Variants in PRKAG2 observed in about 807,000 individuals in gnomAD.
The protein encoded by PRKAG2 is protein kinase AMP-activated non-catalytic subunit gamma 2.
Under a neutral mutation model 69.6 loss-of-function variants are expected in PRKAG2, and 26 were observed. The observed-to-expected ratio is 0.37, with a 90% confidence interval of 0.27 to 0.52. The LOEUF is 0.52. Ranked by LOEUF, PRKAG2 falls within the 20% of genes least tolerant of loss-of-function variation. PRKAG2 has a pLI of 0.90. For missense variants in PRKAG2, 557 were observed against 740.0 expected (o/e 0.75, Z 2.87); for synonymous variants, 293 against 285.0 (o/e 1.03, Z -0.28).
intron 2 of PRKAG2, among the ~76,000 whole-genome samples, chr7:151,786,264 C>G (rs2076999862): frequency 6.6e-6 from 1 of 152,228 alleles, no homozygotes; most frequent in Admixed American, 6.5e-5. Context: ...GCCCAGGAGG[C>G]TCTCTAGTGG....
intron 4 of PRKAG2, among the ~76,000 whole-genome samples, chr7:151,636,182 A>G (rs532643673): frequency 7.2e-5 from 11 of 152,070 alleles, no homozygotes; most frequent in Non-Finnish European, 1.5e-4. Flanking sequence ...TAATTCACAT[A>G]CCATAAAATA....
At chr7:151,731,586 G>A (rs1032613093) in intron 3 of PRKAG2, among the ~76,000 whole-genome samples, 1 of 152,010 alleles carries the variant, frequency 6.6e-6, no homozygotes, top group Non-Finnish European at 1.5e-5. Flanking sequence ...TTGACCCGGG[G>A]AACTGCAGGG....
At chr7:151,759,178 C>T (rs964430892) in intron 3 of PRKAG2, among the ~76,000 whole-genome samples, 14 of 152,218 alleles carry the variant, frequency 9.2e-5, no homozygotes, top group African/African-American at 2.9e-4. Context: ...CCTGCAGGCT[C>T]AGAGGCTGCT....
intron 4 of PRKAG2, among the ~76,000 whole-genome samples, chr7:151,659,188 C>T (rs2727529): frequency 0.61 from 92,825 of 152,016 alleles, 28,574 homozygotes; most frequent in African/African-American, 0.67. Context: ...TGGATCTAGG[C>T]GGTTTATTTA....
At chr7:151,617,266 A>G (rs201155389) in intron 5 of PRKAG2, among the ~76,000 whole-genome samples, 6 of 96,290 alleles carry the variant, frequency 6.2e-5, no homozygotes, top group African/African-American at 1.9e-4. Flanking sequence ...GAGCGAGGGA[A>G]GGAGGGAGGG....
chr7:151,742,156 T>C (rs7797862), intron 3 of PRKAG2, among the ~76,000 whole-genome samples: 4,446 of 152,238 alleles, frequency 0.029, 206 homozygotes, highest in African/African-American at 0.093. Flanking sequence ...TTCACATCCT[T>C]CCACCATACC....
At chr7:151,597,015 C>T (rs761803781) in intron 5 of PRKAG2, among the ~76,000 whole-genome samples, 2 of 152,168 alleles carry the variant, frequency 1.3e-5, no homozygotes, top group South Asian at 2.1e-4. Context: ...TATCACACTA[C>T]CTGACTTCAA....
At chr7:151,707,530 G>A (rs1006326355) in intron 3 of PRKAG2, among the ~76,000 whole-genome samples, 4 of 152,140 alleles carry the variant, frequency 2.6e-5, no homozygotes, top group African/African-American at 7.2e-5. Context: ...CTCTGGGGGA[G>A]AGGAATGGGA....
intron 3 of PRKAG2, among the ~76,000 whole-genome samples, chr7:151,688,047 C>CCCCCA (rs952570541): frequency 7.0e-6 from 1 of 143,086 alleles, no homozygotes. Flanking sequence ...ATGAGGCCCC[C>CCCCCA]CCCCGGGCTC....
In PRKAG2 at chr7:151,727,196, C is replaced by T. The variant is rs1246115369; in HGVS notation, c.467-51559G>A. Among the ~76,000 whole-genome samples, 8 of 150,446 alleles carry T rather than the reference C, an allele frequency of 5.3e-5. 1 individual carries two copies. Among genetic ancestry groups the T allele is most frequent in the South Asian group, 4.3e-4 (2 of 4,676 alleles). On this transcript the variant is annotated intron_variant, in intron 3 of 15. Coordinates refer to ENST00000287878, the MANE Select transcript of PRKAG2 (RefSeq NM_016203.4). The stretch of plus-strand genomic sequence containing the variant: ...CGTCATTGCACTCCAGCCTGGGCAA[C>T]GAGAGCAAAACTCAGTCTCAAAAAA...
chr7:151,817,235 G>A (rs1018606620), intron 1 of PRKAG2, among the ~76,000 whole-genome samples: 1 of 152,180 alleles, frequency 6.6e-6, no homozygotes, highest in African/African-American at 2.4e-5. Flanking sequence ...CAGATACTTA[G>A]CAAAGCCTGA....
In PRKAG2 at chr7:151,675,504, T is replaced by C. The variant is rs1172476120; in HGVS notation, c.600A>G (p.Thr200=). 4 of 1,614,026 alleles carry C rather than the reference T, an allele frequency of 2.5e-6. No individual in the cohort carries two copies. In the African/African-American group the frequency reaches 4.0e-5, roughly 16 times the overall value. ...AGGAAGACGGGCAGAACCTCTGCCC[T>C]GTGTCCGGGGGGGAAGACGAGGCAT... ...RIYASSSPPD[T]GQRFCPSSFQ... is the part of the protein sequence containing the mutation. The change falls in exon 4 of 16, where the codon ACA becomes ACG. Residue 200 remains threonine, a synonymous_variant. Coordinates refer to ENST00000287878, the MANE Select transcript of PRKAG2 (RefSeq NM_016203.4).
At chr7:151,578,555 T>C (rs1249006752) in intron 6 of PRKAG2, among the ~76,000 whole-genome samples, 2 of 152,220 alleles carry the variant, frequency 1.3e-5, no homozygotes, top group Admixed American at 6.5e-5. Flanking sequence ...TACTGGTGCG[T>C]TGAGGGAGCT....
chr7:151,674,545 C>T (rs909408095), intron 4 of PRKAG2, among the ~76,000 whole-genome samples: 2 of 152,156 alleles, frequency 1.3e-5, no homozygotes, highest in Non-Finnish European at 2.9e-5. Context: ...GCTGGGGTCT[C>T]AGTAGGGCCC....
At chr7:151,630,230 A>T (rs933546434) in intron 5 of PRKAG2, among the ~76,000 whole-genome samples, 3 of 152,138 alleles carry the variant, frequency 2.0e-5, no homozygotes, top group African/African-American at 4.8e-5. Context: ...CACAATGAAA[A>T]GAAAAAAAAG....
chr7:151,690,628 G>C (rs1490167659), intron 3 of PRKAG2, among the ~76,000 whole-genome samples: 2 of 152,184 alleles, frequency 1.3e-5, no homozygotes, highest in African/African-American at 4.8e-5. Flanking sequence ...TTTCTCTTTA[G>C]TGCCAGGTTT....
intron 3 of PRKAG2, among the ~76,000 whole-genome samples, chr7:151,696,048 A>G (rs1291593316): frequency 6.6e-6 from 1 of 152,128 alleles, no homozygotes; most frequent in Non-Finnish European, 1.5e-5. Context: ...TGCCAGCTAG[A>G]ATCGCCAACA....
At chr7:151,865,744 G>C (rs1011845401) in intron 1 of PRKAG2, among the ~76,000 whole-genome samples, 2 of 152,170 alleles carry the variant, frequency 1.3e-5, no homozygotes, top group African/African-American at 4.8e-5. Context: ...AAGAGGCCGG[G>C]CGCAGTGGCT....
rs1277441827 is a variant in PRKAG2 at position 151,777,405 on chromosome 7, G to GA, written c.466+3746_466+3747insT. On this transcript the variant is annotated intron_variant, in intron 3 of 15. Transcript: ENST00000287878. This position sits in a 1 kb window ranked among gnomAD's most constrained non-coding sequence, Gnocchi z 4.3. ...TTGGATCCCCGGTGTTGGAGGTGGG[G>GA]CCCCGTGGGAGGTGTTTGGGTCCTG... is the stretch of plus-strand genomic sequence containing the variant. Among the ~76,000 whole-genome samples, 2 of 152,182 alleles carry GA rather than the reference G, an allele frequency of 1.3e-5. No homozygotes were observed. The highest frequency in any genetic ancestry group is 2.9e-5 in the Non-Finnish European group (2 of 68,020).
Sources: gnomAD v4.1 joint callset for allele counts (sites outside exome capture counted in the v4.1 genomes callset) on GRCh38, gnomAD v4.1.1 for gene constraint, Gnocchi (gnomAD v3.1) non-coding constraint, MANE v1.5 for transcripts, NCBI Gene and HGNC (gene_info 2026-07-23, HGNC 2026-07-21) for gene names.